The following TMTC2 variants were observed in gnomAD, a reference collection of about 807,000 sequenced individuals.
TMTC2 encodes transmembrane O-mannosyltransferase targeting cadherins 2, also known as protein O-mannosyl-transferase TMTC2.
Under a neutral mutation model 82.4 loss-of-function variants are expected in TMTC2, and 43 were observed. The ratio of observed to expected loss-of-function variants is 0.52; its 90% confidence interval spans 0.41 to 0.67. TMTC2 has a LOEUF of 0.67. TMTC2 is among the 30% of genes least tolerant of loss of function. The pLI is 0.00. For synonymous variants in TMTC2, 408 were observed against 381.9 expected, an observed-to-expected ratio of 1.07 and a Z score of -0.80; for missense variants, 919 against 1,012.4, an observed-to-expected ratio of 0.91 and a Z score of 1.25.
chr12:82,779,171 C>A (rs1412933398), intron 1 of TMTC2, among the ~76,000 whole-genome samples: 3 of 151,844 alleles, frequency 2.0e-5, no homozygotes, highest in African/African-American at 7.3e-5. Flanking sequence ...CCCAACATCA[C>A]GGCAGGGTAG....
chr12:82,937,750 G>GTATATATA (rs1162321741), intron 4 of TMTC2, among the ~76,000 whole-genome samples: 1 of 106,042 alleles, frequency 9.4e-6, no homozygotes, highest in Non-Finnish European at 1.9e-5. Context: ...GTGTGTGTGT[G>GTATATATA]TATATATATA....
intron 2 of TMTC2, among the ~76,000 whole-genome samples, chr12:82,859,083 T>G (rs1871399468): frequency 6.6e-6 from 1 of 151,448 alleles, no homozygotes; most frequent in South Asian, 2.1e-4. Context: ...TTTTTTTTTT[T>G]TTTGACGCGG....
chr12:82,915,355 T>C (rs1458797956), intron 3 of TMTC2, among the ~76,000 whole-genome samples: 3 of 152,240 alleles, frequency 2.0e-5, no homozygotes, highest in Non-Finnish European at 4.4e-5. Context: ...ACATATTTAC[T>C]AAATTATTGC....
intron 1 of TMTC2, among the ~76,000 whole-genome samples, chr12:82,753,760 C>G (rs1222340943): frequency 6.6e-6 from 1 of 152,180 alleles, no homozygotes; most frequent in Non-Finnish European, 1.5e-5. Flanking sequence ...TTTAAATTTT[C>G]AAGGATCTTC....
intron 8 of TMTC2, 95 bp from the exon 9 acceptor site, chr12:83,030,703 T>C: frequency 1.0e-6 from 1 of 963,510 alleles, no homozygotes; most frequent in Non-Finnish European, 1.6e-6. Context: ...CTATGATGAT[T>C]ACCAAGTAGA....
intron 1 of TMTC2, among the ~76,000 whole-genome samples, chr12:82,830,354 C>G (rs1483107565): frequency 6.6e-6 from 1 of 151,882 alleles, no homozygotes; most frequent in African/African-American, 2.4e-5. Context: ...CTCTCGGTGT[C>G]TCTGCAATGC....
At chr12:82,932,795 A>G (rs968770793) in intron 4 of TMTC2, among the ~76,000 whole-genome samples, 4 of 152,184 alleles carry the variant, frequency 2.6e-5, no homozygotes, top group African/African-American at 9.6e-5. Context: ...GTCTTATCCA[A>G]TAGTCCCTGG....
At chr12:82,761,383 G>T (rs1876623248) in intron 1 of TMTC2, among the ~76,000 whole-genome samples, 1 of 152,218 alleles carries the variant, frequency 6.6e-6, no homozygotes, top group African/African-American at 2.4e-5. Context: ...GCAGAGCAAT[G>T]AGGGTGGGGA....
At chr12:82,714,703 G>T (rs766541644) in intron 1 of TMTC2, among the ~76,000 whole-genome samples, 76 of 152,084 alleles carry the variant, frequency 5.0e-4, no homozygotes, top group Non-Finnish European at 8.5e-4. Flanking sequence ...TAGGGACCGT[G>T]AATTTTTTTT....
At chr12:82,954,734 T>A (rs1406019410) in intron 4 of TMTC2, among the ~76,000 whole-genome samples, 1 of 152,182 alleles carries the variant, frequency 6.6e-6, no homozygotes, top group Non-Finnish European at 1.5e-5. Context: ...AAGACCTTTG[T>A]TAGAACAAGA....
At chr12:83,108,629 C>CA (rs201586162) in intron 11 of TMTC2, among the ~76,000 whole-genome samples, 4,500 of 108,074 alleles carry the variant, frequency 0.042, 169 homozygotes, top group East Asian at 0.13. Flanking sequence ...GACTCCATCT[C>CA]AAAAAAAAAA....
At chr12:83,021,175 G>A (rs112763329) in intron 8 of TMTC2, among the ~76,000 whole-genome samples, 2,268 of 152,086 alleles carry the variant, frequency 0.015, 29 homozygotes, top group Middle Eastern at 0.082. Flanking sequence ...ATTCTTGCAA[G>A]TCTTTTTCTT....
intron 11 of TMTC2, among the ~76,000 whole-genome samples, chr12:83,064,379 C>T (rs1882848584): frequency 6.6e-6 from 1 of 151,940 alleles, no homozygotes; most frequent in Non-Finnish European, 1.5e-5. Flanking sequence ...CATAAAACCA[C>T]TCCAGACTGC....
At chr12:82,873,314 A>C (rs1872309469) in intron 2 of TMTC2, among the ~76,000 whole-genome samples, 1 of 151,134 alleles carries the variant, frequency 6.6e-6, no homozygotes, top group Non-Finnish European at 1.5e-5. Context: ...TGGGTCAGTA[A>C]ACCTGGTTAA....
intron 11 of TMTC2, among the ~76,000 whole-genome samples, chr12:83,101,435 A>G (rs1022683172): frequency 6.6e-6 from 1 of 152,222 alleles, no homozygotes; most frequent in Non-Finnish European, 1.5e-5. Context: ...GGTTTTCAGC[A>G]TCTCTCAGTA....
intron 4 of TMTC2, among the ~76,000 whole-genome samples, chr12:82,960,217 G>C (rs983992132): frequency 1.1e-4 from 16 of 152,022 alleles, no homozygotes; most frequent in Non-Finnish European, 2.4e-4. Flanking sequence ...TAAAAACAGT[G>C]TGGAGATTTC....
chr12:82,940,708 T>C (rs1402465857), intron 4 of TMTC2, among the ~76,000 whole-genome samples: 1 of 151,912 alleles, frequency 6.6e-6, no homozygotes, highest in Non-Finnish European at 1.5e-5. Context: ...CCACCCCTTA[T>C]GACATCTTTC....
chr12:82,734,703 A>G (rs1874997547), intron 1 of TMTC2, among the ~76,000 whole-genome samples: 1 of 152,198 alleles, frequency 6.6e-6, no homozygotes, highest in African/African-American at 2.4e-5. Flanking sequence ...GAGGTTTAAA[A>G]GTGAGTTCCT....
At chr12:83,027,930 T>G (rs1399897927) in intron 8 of TMTC2, among the ~76,000 whole-genome samples, 1 of 152,322 alleles carries the variant, frequency 6.6e-6, no homozygotes, top group East Asian at 1.9e-4. Context: ...GCCAGTTCCT[T>G]CTTTTCTGTT....
Sources: allele counts gnomAD v4.1 joint callset (sites outside exome capture counted in the v4.1 genomes callset), GRCh38; gene constraint gnomAD v4.1.1; transcripts MANE v1.5; gene names NCBI Gene and HGNC (gene_info 2026-07-23, HGNC 2026-07-21).